The following MTCL3 variants were observed in gnomAD, a reference collection of about 807,000 sequenced individuals.
The protein encoded by MTCL3 is MTCL family member 3, also known as microtubule cross-linking factor 3.
chr6:127,485,692 A>G, the MTCL3 span, among the ~76,000 whole-genome samples: 1 of 152,164 alleles, frequency 6.6e-6, no homozygotes, highest in Admixed American at 6.5e-5. Context: ...GGTACTGTAT[A>G]TATGCCAAAC....
chr6:127,485,695 T>C, the MTCL3 span, among the ~76,000 whole-genome samples: 5 of 152,160 alleles, frequency 3.3e-5, no homozygotes, highest in African/African-American at 1.2e-4. Flanking sequence ...ACTGTATATA[T>C]GCCAAACACA....
At chr6:127,481,935 C>T in the MTCL3 span, among the ~76,000 whole-genome samples, 2,065 of 152,266 alleles carry the variant, frequency 0.014, 64 homozygotes, top group African/African-American at 0.047. Context: ...TCACCAAAAC[C>T]GGGAATGACC....
At chr6:127,499,943 C>T in the MTCL3 span, among the ~76,000 whole-genome samples, 16 of 152,170 alleles carry the variant, frequency 1.1e-4, no homozygotes, top group Admixed American at 9.2e-4. Flanking sequence ...CTGGGAGGAC[C>T]CTACTCAACT....
chr6:127,492,489 T>G, the MTCL3 span, among the ~76,000 whole-genome samples: 1 of 152,312 alleles, frequency 6.6e-6, no homozygotes, highest in East Asian at 1.9e-4. Context: ...CTTGTTTTTA[T>G]TTCTCCCCTG....
the MTCL3 span, among the ~76,000 whole-genome samples, chr6:127,483,190 G>A: frequency 2.0e-5 from 3 of 152,164 alleles, no homozygotes; most frequent in African/African-American, 7.2e-5. Flanking sequence ...ACAGTAGAAT[G>A]TAGCTGGCAA....
At chr6:127,503,021 C>G in the MTCL3 span, among the ~76,000 whole-genome samples, 1 of 152,182 alleles carries the variant, frequency 6.6e-6, no homozygotes, top group South Asian at 2.1e-4. Context: ...GAAGTCTTCT[C>G]TCAGTGTTTA....
At chr6:127,477,830 G>A in the MTCL3 span, among the ~76,000 whole-genome samples, 126 of 152,278 alleles carry the variant, frequency 8.3e-4, 1 homozygote, top group Admixed American at 3.1e-3. Flanking sequence ...CCCCTTTACC[G>A]ATAGGGGAGA....
At chr6:127,513,969 A>C in the MTCL3 span, among the ~76,000 whole-genome samples, 1 of 152,254 alleles carries the variant, frequency 6.6e-6, no homozygotes, top group Non-Finnish European at 1.5e-5. Flanking sequence ...TCTTTCATAA[A>C]ATGTTTACAC....
At chr6:127,480,202 C>T in the MTCL3 span, among the ~76,000 whole-genome samples, 10 of 152,254 alleles carry the variant, frequency 6.6e-5, no homozygotes, top group East Asian at 5.8e-4. Context: ...GCATTCTAAT[C>T]GATTACATAT....
chr6:127,500,532 CTTTTA>C, the MTCL3 span, among the ~76,000 whole-genome samples: 1 of 151,494 alleles, frequency 6.6e-6, no homozygotes, highest in Non-Finnish European at 1.5e-5. Context: ...TTTTTTTTAA[CTTTTA>C]TTTTAAGTTC....
At chr6:127,501,237 G>C in the MTCL3 span, among the ~76,000 whole-genome samples, 1 of 152,244 alleles carries the variant, frequency 6.6e-6, no homozygotes, top group African/African-American at 2.4e-5. Flanking sequence ...AACGACTCTA[G>C]AACATAATTA....
the MTCL3 span, among the ~76,000 whole-genome samples, chr6:127,485,928 A>G: frequency 7.2e-5 from 11 of 152,196 alleles, no homozygotes; most frequent in Non-Finnish European, 1.0e-4. Flanking sequence ...TTCAACAGAA[A>G]TAAAACTGAA....
At chr6:127,519,212 G>T in the MTCL3 span, 24 of 152,408 alleles carry the variant, frequency 1.6e-4, no homozygotes, top group African/African-American at 5.5e-4. Flanking sequence ...TTCCTGCAAA[G>T]CTTTGTCCTG....
the MTCL3 span, among the ~76,000 whole-genome samples, chr6:127,489,056 T>C: frequency 6.6e-6 from 1 of 152,256 alleles, no homozygotes; most frequent in Non-Finnish European, 1.5e-5. Flanking sequence ...TGAGCAGGTC[T>C]ATTCGTGCAA....
At chr6:127,517,042 T>C in the MTCL3 span, among the ~76,000 whole-genome samples, 1 of 152,164 alleles carries the variant, frequency 6.6e-6, no homozygotes, top group Non-Finnish European at 1.5e-5. Context: ...GAAAAGAAGC[T>C]TCAGAAAGAA....
chr6:127,515,988 G>C, the MTCL3 span: 1 of 1,599,236 alleles, frequency 6.3e-7, no homozygotes, highest in Non-Finnish European at 8.5e-7. This position sits in a 1 kb window ranked among gnomAD's most constrained non-coding sequence, Gnocchi z 4.3. Flanking sequence ...CCTCCCCGCC[G>C]CTGCCGCCCC....
chr6:127,517,603 A>G, the MTCL3 span: 1 of 152,338 alleles, frequency 6.6e-6, no homozygotes, highest in East Asian at 1.9e-4. Flanking sequence ...ATCTTCTTAC[A>G]TCGCATATCA....
the MTCL3 span, among the ~76,000 whole-genome samples, chr6:127,510,286 A>AG: frequency 6.6e-6 from 1 of 152,214 alleles, no homozygotes; most frequent in Non-Finnish European, 1.5e-5. Flanking sequence ...ATATATACCC[A>AG]CACTGCTTGG....
chr6:127,480,359 T>C, the MTCL3 span, among the ~76,000 whole-genome samples: 1 of 152,348 alleles, frequency 6.6e-6, no homozygotes, highest in African/African-American at 2.4e-5. Flanking sequence ...AGCCTGGCCC[T>C]AGAGCTACAG....
Sources: allele counts gnomAD v4.1 joint callset (sites outside exome capture counted in the v4.1 genomes callset), GRCh38; gene constraint gnomAD v4.1.1; non-coding constraint Gnocchi (gnomAD v3.1); transcripts MANE v1.5; gene names NCBI Gene and HGNC (gene_info 2026-07-23, HGNC 2026-07-21).